PTPRB: variants seen among roughly 807,000 people sequenced by gnomAD.
The protein encoded by PTPRB is protein tyrosine phosphatase receptor type B.
In PTPRB, 97 loss-of-function variants were observed where a neutral mutation model predicts 238.1. That is an observed-to-expected ratio of 0.41 (90% CI 0.35 to 0.48). The LOEUF (loss-of-function observed/expected upper bound fraction) is 0.48, where lower values mean the gene tolerates loss of function less well. PTPRB is among the 20% of genes least tolerant of loss of function. PTPRB has a pLI of 0.30. For synonymous variants in PTPRB, 970 were observed against 995.4 expected (o/e 0.97, Z 0.48); for missense variants, 2,292 against 2,681.9 (o/e 0.85, Z 3.21).
At chr12:70,607,554 T>C (rs1432876816) in intron 4 of PTPRB, among the ~76,000 whole-genome samples, 7 of 150,470 alleles carry the variant, frequency 4.7e-5, no homozygotes, top group East Asian at 3.9e-4. Flanking sequence ...TTTTCTTTTT[T>C]TTTTTTTTTT....
intron 11 of PTPRB, among the ~76,000 whole-genome samples, chr12:70,573,510 T>C (rs868190060): frequency 9.5e-4 from 131 of 138,592 alleles, no homozygotes; most frequent in African/African-American, 2.5e-3. Flanking sequence ...CTTTTCTTTT[T>C]TTTTTTTTTT....
rs768819672 is a variant in PTPRB at position 70,596,060 on chromosome 12, T to C, written c.1247A>G (p.Asn416Ser). ...TAAACAGGTCTTACCTGTTGATCCA[T>C]TGGTATAAACTGAAAAAGAACGTTT... ...GGKRSFSVYT[N>S]GSTVPSPVKD... Residue 416 changes from asparagine to serine, a missense_variant, in exon 5 of 34, where the codon AAT becomes AGT. Asn to Ser is a conservative substitution (Grantham distance 46, BLOSUM62 1). This residue lies in a region of PTPRB where 1,205 missense variants were observed against 1,287.8 expected (regional missense o/e 0.94). Coordinates refer to ENST00000334414, the MANE Select transcript of PTPRB (RefSeq NM_001109754.4). The C allele has an allele frequency of 6.2e-7, 1 of 1,602,772 alleles. No individual in the cohort carries two copies. Among genetic ancestry groups the C allele is most frequent in the African/African-American group, 1.3e-5 (1 of 74,664 alleles).
chr12:70,605,916 G>GA (rs957976077), intron 4 of PTPRB, among the ~76,000 whole-genome samples: 25 of 149,922 alleles, frequency 1.7e-4, no homozygotes, highest in Admixed American at 9.3e-4. Flanking sequence ...TACAAGAAGT[G>GA]AAAAAAAAAT....
rs1874767809 is a variant in PTPRB at position 70,539,824 on chromosome 12, T to G, written c.5696+3A>C. 1 of 1,595,768 alleles carries G rather than the reference T, an allele frequency of 6.3e-7. No homozygotes were observed. The highest frequency in any genetic ancestry group is 1.1e-5 in the South Asian group (1 of 90,690). On this transcript the variant is annotated splice_donor_region_variant and intron_variant, in intron 25 of 33. Coordinates refer to ENST00000334414, the MANE Select transcript of PTPRB (RefSeq NM_001109754.4). ...ATAGTAATTAATGTGTTCTCTCTCT[T>G]ACCAAGAAGTTTTCCGGTTACTGTG...
intron 16 of PTPRB, 108 bp downstream of exon 16, chr12:70,562,735 TA>T (rs58922294): frequency 0.021 from 28,840 of 1,348,146 alleles, 1,453 homozygotes; most frequent in African/African-American, 0.2. Context: ...AAATGCCATA[TA>T]AAGCTACATC....
rs760437095 is a variant in PTPRB, at chr12:70,569,639, T to C, written c.3634+36A>G. On this transcript the variant is annotated intron_variant, in intron 14 of 33. Transcript: ENST00000334414. ...TCCCATTTTGGAGAACCATGAGGCA[T>C]TCTACAATCTAGCCCTTCTCCAGGT... 5 of 1,609,904 alleles carry C rather than the reference T, an allele frequency of 3.1e-6. No homozygotes were observed. In the South Asian group the frequency reaches 5.5e-5, roughly 18 times the overall value.
At chr12:70,592,191 G>A (rs778063352) in intron 7 of PTPRB, 91 bp downstream of exon 7, 14 of 1,551,268 alleles carry the variant, frequency 9.0e-6, no homozygotes, top group Middle Eastern at 2.1e-4. Context: ...ATTGGGAAAG[G>A]AGTTTTCCTG....
chr12:70,535,967 G>T (rs921415811), intron 29 of PTPRB, 58 bp downstream of exon 29: 1 of 1,600,054 alleles, frequency 6.2e-7, no homozygotes, highest in Non-Finnish European at 8.5e-7. Context: ...TGATGGGGCA[G>T]AATTCTATCC....
intron 9 of PTPRB, chr12:70,585,056 G>A (rs1881760924): frequency 6.6e-6 from 1 of 151,414 alleles, no homozygotes; most frequent in Non-Finnish European, 1.5e-5. Context: ...CACCTCCTGG[G>A]TTTAAGTGAT....
intron 1 of PTPRB, among the ~76,000 whole-genome samples, chr12:70,636,682 T>C (rs74101513): frequency 0.013 from 1,989 of 152,320 alleles, 44 homozygotes; most frequent in African/African-American, 0.045. Context: ...AAACTAAATT[T>C]CCTTTAGTCG....
At chr12:70,531,674 A>G (rs1415107730) in intron 32 of PTPRB, among the ~76,000 whole-genome samples, 1 of 152,184 alleles carries the variant, frequency 6.6e-6, no homozygotes, top group Non-Finnish European at 1.5e-5. Flanking sequence ...GTGCTGCACA[A>G]ATGGAAGCAC....
chr12:70,628,719 T>C (rs1420337126), intron 2 of PTPRB, among the ~76,000 whole-genome samples: 2 of 152,118 alleles, frequency 1.3e-5, no homozygotes, highest in African/African-American at 4.8e-5. Flanking sequence ...CTTGCTGGAA[T>C]AGATGCAACT....
chr12:70,544,174 C>A (rs1875606061), intron 22 of PTPRB, among the ~76,000 whole-genome samples: 1 of 151,862 alleles, frequency 6.6e-6, no homozygotes, highest in African/African-American at 2.4e-5. Context: ...GTGTTTTTTT[C>A]TTTTAGTCTT....
At chr12:70,599,669 A>G (rs925955870) in intron 4 of PTPRB, among the ~76,000 whole-genome samples, 1 of 152,240 alleles carries the variant, frequency 6.6e-6, no homozygotes, top group Non-Finnish European at 1.5e-5. Context: ...ATACTTGAAT[A>G]AATCTACCAG....
chr12:70,539,439 G>A, intron 26 of PTPRB, 186 bp downstream of exon 26: 1 of 592,728 alleles, frequency 1.7e-6, no homozygotes, highest in Non-Finnish European at 3.0e-6. Flanking sequence ...AGCTCAAGCT[G>A]GCCTCTAAGA....
intron 14 of PTPRB, among the ~76,000 whole-genome samples, chr12:70,567,982 G>T (rs908142602): frequency 1.3e-5 from 2 of 152,082 alleles, no homozygotes; most frequent in East Asian, 3.9e-4. Context: ...GAGCCACCGT[G>T]CCCGGCCTTT....
At chr12:70,600,188 C>A (rs1390715606) in intron 4 of PTPRB, among the ~76,000 whole-genome samples, 2 of 152,056 alleles carry the variant, frequency 1.3e-5, no homozygotes, top group Non-Finnish European at 2.9e-5. Context: ...GCAGCCAATC[C>A]ATGAGTTGGT....
chr12:70,577,955 T>TAC (rs1880970763), intron 10 of PTPRB, among the ~76,000 whole-genome samples: 1 of 152,210 alleles, frequency 6.6e-6, no homozygotes. Flanking sequence ...CAACCATCTA[T>TAC]ACATCCTTTA....
chr12:70,635,775 G>A lies in PTPRB; in HGVS notation c.347C>T (p.Ser116Phe). 1.2e-6 allele frequency: 2 copies of A among 1,613,760 alleles called. No individual in the cohort carries two copies. The highest frequency in any genetic ancestry group is 1.7e-6 in the Non-Finnish European group (2 of 1,179,826). ...CCTGGCCTTCTTGACCACTACTCTG[G>A]AGCCTTGTTTCTGGAGAAAGAGAGA... ...NASLFLQKQG[S>F]RVVVKKARKY... Residue 116 changes from serine to phenylalanine, a missense_variant, in exon 2 of 34, where the codon TCC becomes TTC. By Grantham distance (155) the Ser-to-Phe change is radical. This residue lies in a region of PTPRB where 1,205 missense variants were observed against 1,287.8 expected (regional missense o/e 0.94). Coordinates refer to ENST00000334414, the MANE Select transcript of PTPRB (RefSeq NM_001109754.4).
Sources: allele counts gnomAD v4.1 joint callset (sites outside exome capture counted in the v4.1 genomes callset), GRCh38; gene constraint gnomAD v4.1.1; regional missense constraint gnomAD v4.1.1; transcripts MANE v1.5; gene names NCBI Gene and HGNC (gene_info 2026-07-23, HGNC 2026-07-21).